SETD5: variants seen among roughly 807,000 people sequenced by gnomAD.
SETD5 encodes the protein histone-lysine N-methyltransferase SETD5.
Under a neutral mutation model 153.3 loss-of-function variants are expected in SETD5, and 44 were observed. That is an observed-to-expected ratio of 0.29 (90% CI 0.23 to 0.37). The LOEUF (loss-of-function observed/expected upper bound fraction) is 0.37, where lower values mean the gene tolerates loss of function less well. SETD5 is among the 10% of genes least tolerant of loss of function. The pLI is 1.00. For missense variants in SETD5, 1,544 were observed against 1,768.0 expected, an observed-to-expected ratio of 0.87 and a Z score of 2.27; for synonymous variants, 716 against 645.2, an observed-to-expected ratio of 1.11 and a Z score of -1.66.
At chr3:9,398,807 C>G (rs1410107471) in intron 1 of SETD5, among the ~76,000 whole-genome samples, 2 of 152,174 alleles carry the variant, frequency 1.3e-5, no homozygotes, top group African/African-American at 2.4e-5. Flanking sequence ...GAAAGTTAAA[C>G]TGTTGGGAAA....
At chr3:9,427,413 G>GCC (rs2039416630) in intron 2 of SETD5, among the ~76,000 whole-genome samples, 3 of 152,160 alleles carry the variant, frequency 2.0e-5, no homozygotes, top group Non-Finnish European at 2.9e-5. Context: ...AGCCAGACAT[G>GCC]GTGGCAGGCG....
At position 9,447,217 on chromosome 3, in the gene SETD5, A is replaced by G. The variant is rs746686052; in HGVS notation, c.1692A>G (p.Glu564=). Residue 564 remains glutamate, a synonymous_variant, in exon 14 of 23, where the codon GAA becomes GAG. Transcript: ENST00000402198. The part of the protein sequence containing the change: ...VGEETKTEAP[E]SEVSNSVSNV... ...AAGAGACAAAAACTGAAGCCCCTGA[A>G]TCTGAAGTTAGCAACTCTGTTTCAA... The G allele has an allele frequency of 1.2e-5, 20 of 1,613,936 alleles. No homozygotes were observed. In the South Asian group the frequency reaches 2.2e-4, roughly 18 times the overall value.
In SETD5 at chr3:9,440,507, G is replaced by A; in HGVS notation, c.619G>A (p.Glu207Lys). ...AGATGAGAATACAACTGAGGGCTGGGAAAATCGGATAAGACTATGGACTGA... is the reference window on the plus strand; with the variant it reads ...AGATGAGAATACAACTGAGGGCTGGAAAAATCGGATAAGACTATGGACTGA... ...NLDENTTEGW[E>K]NRIRLWTDQY... The change falls in exon 8 of 23, where the codon GAA (glutamate) becomes AAA (lysine). Residue 207 changes from glutamate to lysine, a missense_variant. Around this residue, in one of 9 missense-constraint regions of SETD5, gnomAD observed 251 missense variants for 326.9 expected, o/e 0.77. Transcript: ENST00000402198. The A allele has an allele frequency of 6.2e-7, 1 of 1,612,016 alleles. No homozygotes were observed. The highest frequency in any genetic ancestry group is 8.5e-7 in the Non-Finnish European group (1 of 1,178,128).
rs1269868508 is a variant in SETD5, at chr3:9,476,591, A to G, written c.*500A>G. 1 of 154,320 alleles carries G rather than the reference A, an allele frequency of 6.5e-6. No individual in the cohort carries two copies. Among genetic ancestry groups the G allele is most frequent in the Non-Finnish European group, 1.4e-5 (1 of 69,178 alleles). 9.6% of individuals were successfully genotyped at this position (154,320 alleles called of 1,614,324 possible). A position where few individuals can be genotyped will look rare whatever the true frequency, so the allele number is the denominator to read the frequency against. On this transcript the variant is annotated 3_prime_UTR_variant, in exon 23 of 23. Coordinates refer to ENST00000402198, the MANE Select transcript of SETD5 (RefSeq NM_001080517.3). ...AGGTAGGTATGTAAATGTTCATCCT[A>G]AGACAACCATTCCAAAAGCAGGTAT... is the stretch of plus-strand genomic sequence containing the variant.
chr3:9,460,012 C>T (rs2043759893), intron 17 of SETD5, among the ~76,000 whole-genome samples: 2 of 151,732 alleles, frequency 1.3e-5, no homozygotes, highest in Admixed American at 1.3e-4. Context: ...TTAATATAGT[C>T]TAAGTAATTG....
At chr3:9,453,963 T>C (rs942410967) in intron 17 of SETD5, 95 bp downstream of exon 17, 11 of 1,328,374 alleles carry the variant, frequency 8.3e-6, no homozygotes, top group African/African-American at 3.0e-5. Context: ...CAAAAAGAAA[T>C]GGCGTGTTTT....
At chr3:9,445,967 T>TG (rs1455546146) in intron 13 of SETD5, among the ~76,000 whole-genome samples, 9 of 133,628 alleles carry the variant, frequency 6.7e-5, no homozygotes, top group Non-Finnish European at 1.1e-4. Flanking sequence ...AAGAGGTTGT[T>TG]TTTTTTTTTT....
At chr3:9,472,772 C>A (rs2045452799) in intron 19 of SETD5, among the ~76,000 whole-genome samples, 2 of 152,050 alleles carry the variant, frequency 1.3e-5, no homozygotes, top group Non-Finnish European at 2.9e-5. Context: ...TTCTTTCTCT[C>A]AAACAGCTAA....
chr3:9,417,495 T>TC, intron 1 of SETD5, among the ~76,000 whole-genome samples: 1 of 151,908 alleles, frequency 6.6e-6, no homozygotes, highest in African/African-American at 2.4e-5. Flanking sequence ...TTTTTTTTTT[T>TC]TTCCCCCCGA....
intron 16 of SETD5, among the ~76,000 whole-genome samples, chr3:9,448,992 G>A (rs2042325113): frequency 2.0e-5 from 3 of 152,156 alleles, no homozygotes; most frequent in Admixed American, 2.0e-4. Context: ...TATGATTATT[G>A]TGTGAGATTA....
intron 18 of SETD5, among the ~76,000 whole-genome samples, chr3:9,465,832 C>CT: frequency 6.6e-6 from 1 of 152,160 alleles, no homozygotes; most frequent in Admixed American, 6.5e-5. Flanking sequence ...TGATTCAGGC[C>CT]TTTCTAACTT....
At chr3:9,420,832 A>AT (rs201642422) in intron 1 of SETD5, among the ~76,000 whole-genome samples, 25,980 of 141,970 alleles carry the variant, frequency 0.18, 2,437 homozygotes, top group Admixed American at 0.24. Context: ...CTTCTCTCTC[A>AT]TTTTTTTTTT....
chr3:9,465,410 C>T (rs116407796), intron 18 of SETD5, among the ~76,000 whole-genome samples: 1 of 152,296 alleles, frequency 6.6e-6, no homozygotes, highest in South Asian at 2.1e-4. Context: ...TTTTTTAAAA[C>T]ACTTCATCTA....
At chr3:9,452,467 C>T (rs910763524) in intron 16 of SETD5, among the ~76,000 whole-genome samples, 10 of 152,044 alleles carry the variant, frequency 6.6e-5, no homozygotes, top group African/African-American at 1.7e-4. Flanking sequence ...GTTCATTCTT[C>T]GGATTTTTTA....
chr3:9,476,191 G>T lies in SETD5; in HGVS notation c.*100G>T. 6.9e-7 allele frequency: 1 copy of T among 1,445,852 alleles called. No individual in the cohort carries two copies. Among genetic ancestry groups the T allele is most frequent in the Non-Finnish European group, 9.2e-7 (1 of 1,088,354 alleles). The allele number at this position is 1,445,852 out of a possible 1,614,324, so 89.6% of individuals were successfully genotyped here. ...CGAGCATATTGCTGAGGAACGGGGG[G>T]TACAAGGTGCCAGAGGATTGGGTCT... On this transcript the variant is annotated 3_prime_UTR_variant, in exon 23 of 23. Coordinates refer to ENST00000402198, the MANE Select transcript of SETD5 (RefSeq NM_001080517.3).
Position 9,434,091 on chromosome 3 carries a change from C to G in SETD5, c.177+141C>G. 6.4e-7 allele frequency: 1 copy of G among 1,571,776 alleles called. No individual in the cohort carries two copies. Among genetic ancestry groups the G allele is most frequent in the Non-Finnish European group, 8.6e-7 (1 of 1,160,994 alleles). The stretch of plus-strand genomic sequence containing the variant: ...GCACTTCCCTGACTCCAGCGGACGT[C>G]TAGCCCTGCATCATTGTTCTTGTTT... On this transcript the variant is annotated intron_variant, in intron 4 of 22. Transcript: ENST00000402198. This position sits in a 1 kb window ranked among gnomAD's most constrained non-coding sequence, Gnocchi z 5.6.
chr3:9,470,091 A>G (rs1401182936), intron 18 of SETD5, among the ~76,000 whole-genome samples: 2 of 152,154 alleles, frequency 1.3e-5, no homozygotes, highest in African/African-American at 4.8e-5. Context: ...TGTTTTGTGC[A>G]TGGGGCTAAG....
chr3:9,409,188 G>T (rs1406945764), intron 1 of SETD5, among the ~76,000 whole-genome samples: 1 of 151,970 alleles, frequency 6.6e-6, no homozygotes, highest in Non-Finnish European at 1.5e-5. Flanking sequence ...AGAATCACTG[G>T]CCTATATTCA....
chr3:9,453,601 A>G, intron 16 of SETD5, 138 bp from the exon 17 acceptor site: 1 of 742,018 alleles, frequency 1.3e-6, no homozygotes, highest in South Asian at 2.9e-5. Context: ...GCTGAGACAC[A>G]AGACAATAAA....
Sources: allele counts gnomAD v4.1 joint callset (sites outside exome capture counted in the v4.1 genomes callset), GRCh38; gene constraint gnomAD v4.1.1; regional missense constraint gnomAD v4.1.1; non-coding constraint Gnocchi (gnomAD v3.1); transcripts MANE v1.5; gene names NCBI Gene and HGNC (gene_info 2026-07-23, HGNC 2026-07-21).